NRXN3: variants seen among roughly 807,000 people sequenced by gnomAD.
NRXN3 encodes neurexin III.
NRXN3 carries 32 observed loss-of-function variants against 137.6 expected under a neutral mutation model. The ratio of observed to expected loss-of-function variants is 0.23; its 90% CI spans 0.18 to 0.31. The LOEUF (loss-of-function observed/expected upper bound fraction) is 0.31, where lower values mean the gene tolerates loss of function less well. Among genes scored for constraint, NRXN3 ranks in the 10% least tolerant of loss-of-function variants. The pLI is 1.00. For missense variants in NRXN3, 1,574 were observed against 2,062.5 expected (o/e 0.76, Z 4.59); for synonymous variants, 798 against 784.5 (o/e 1.02, Z -0.29).
chr14:78,624,357 G>GGTA (rs1396885220), intron 4 of NRXN3, among the ~76,000 whole-genome samples: 3 of 152,210 alleles, frequency 2.0e-5, no homozygotes, highest in Non-Finnish European at 2.9e-5. Context: ...CACACAGGGA[G>GGTA]GTAGCTATTA....
At chr14:79,236,768 A>G (rs561590386) in intron 15 of NRXN3, among the ~76,000 whole-genome samples, 22 of 151,976 alleles carry the variant, frequency 1.4e-4, no homozygotes, top group African/African-American at 5.3e-4. Context: ...TTTTATAATT[A>G]GCCAGGCATG....
intron 4 of NRXN3, among the ~76,000 whole-genome samples, chr14:78,553,457 T>G (rs902462540): frequency 4.6e-5 from 7 of 152,136 alleles, no homozygotes; most frequent in Non-Finnish European, 1.0e-4. Flanking sequence ...TAGGTTTGCC[T>G]CCACACCTTA....
At chr14:79,251,084 G>T (rs1193518099) in intron 15 of NRXN3, among the ~76,000 whole-genome samples, 2 of 152,190 alleles carry the variant, frequency 1.3e-5, no homozygotes, top group Non-Finnish European at 1.5e-5. Flanking sequence ...GGGCTAGTTT[G>T]TAGAGGATTT....
intron 8 of NRXN3, among the ~76,000 whole-genome samples, chr14:78,798,361 T>C (rs2098828564): frequency 6.6e-6 from 1 of 152,208 alleles, no homozygotes; most frequent in Admixed American, 6.5e-5. Context: ...AGTTCCAAAA[T>C]GATCTCCTTT....
At chr14:78,202,361 A>G (rs2061759775) in intron 1 of NRXN3, among the ~76,000 whole-genome samples, 1 of 152,246 alleles carries the variant, frequency 6.6e-6, no homozygotes, top group African/African-American at 2.4e-5. Flanking sequence ...CCTGTCGGTT[A>G]AAGATGTGGC....
At chr14:78,670,017 C>G (rs574930743) in intron 6 of NRXN3, among the ~76,000 whole-genome samples, 259 of 152,110 alleles carry the variant, frequency 1.7e-3, no homozygotes, top group African/African-American at 6.1e-3. Flanking sequence ...CCTAGCCCCC[C>G]ACCCCCTGAC....
chr14:79,528,482 T>A (rs1420503687), intron 16 of NRXN3, among the ~76,000 whole-genome samples: 2 of 152,180 alleles, frequency 1.3e-5, no homozygotes, highest in Non-Finnish European at 2.9e-5. Context: ...ACAAGATCAA[T>A]TTAGTCACAT....
chr14:79,641,510 AGG>A (rs1424387906), intron 16 of NRXN3, among the ~76,000 whole-genome samples: 1 of 135,948 alleles, frequency 7.4e-6, no homozygotes, highest in Non-Finnish European at 1.7e-5. Context: ...CCATGTTTAC[AGG>A]CCTGCAGGTT....
intron 15 of NRXN3, among the ~76,000 whole-genome samples, chr14:79,154,838 C>T (rs2060118159): frequency 1.3e-5 from 2 of 151,912 alleles, no homozygotes; most frequent in African/African-American, 2.4e-5. Flanking sequence ...AATGCAACTT[C>T]GTATATGTAA....
At chr14:79,400,318 C>A (rs1209089488) in intron 15 of NRXN3, among the ~76,000 whole-genome samples, 1 of 152,094 alleles carries the variant, frequency 6.6e-6, no homozygotes, top group East Asian at 1.9e-4. Context: ...TAGGTCCGAC[C>A]ATTGCTATAT....
intron 1 of NRXN3, among the ~76,000 whole-genome samples, chr14:78,197,890 G>T (rs1294203353): frequency 6.6e-6 from 1 of 152,122 alleles, no homozygotes; most frequent in Non-Finnish European, 1.5e-5. Context: ...CTTTTCTGTT[G>T]TCCATTCCAG....
intron 15 of NRXN3, among the ~76,000 whole-genome samples, chr14:79,194,250 T>C (rs1312879304): frequency 6.6e-6 from 1 of 152,206 alleles, no homozygotes. Flanking sequence ...TTATTTCGAA[T>C]GATGGCATAC....
intron 10 of NRXN3, among the ~76,000 whole-genome samples, chr14:78,883,979 T>C (rs528052417): frequency 2.0e-5 from 3 of 152,356 alleles, no homozygotes; most frequent in South Asian, 4.1e-4. Context: ...TCAAGTGTCA[T>C]TGAGTGATTC....
intron 4 of NRXN3, among the ~76,000 whole-genome samples, chr14:78,345,767 G>A (rs1166362855): frequency 6.6e-6 from 1 of 152,150 alleles, no homozygotes; most frequent in Non-Finnish European, 1.5e-5. Flanking sequence ...TCTTCTTCCT[G>A]GTTACATCCA....
intron 6 of NRXN3, among the ~76,000 whole-genome samples, chr14:78,705,117 G>A (rs568201839): frequency 6.6e-6 from 1 of 152,268 alleles, no homozygotes; most frequent in South Asian, 2.1e-4. Context: ...CTCCCAGTCT[G>A]TGTGACATCT....
At chr14:79,708,980 T>TGA (rs2098792373) in intron 19 of NRXN3, among the ~76,000 whole-genome samples, 2 of 151,788 alleles carry the variant, frequency 1.3e-5, no homozygotes, top group African/African-American at 2.4e-5. Flanking sequence ...TGTGTGTGTG[T>TGA]GTGAGAGAGA....
chr14:79,565,346 TGC>T (rs1491362631), intron 16 of NRXN3, among the ~76,000 whole-genome samples: 1 of 148,788 alleles, frequency 6.7e-6, no homozygotes, highest in African/African-American at 2.5e-5. Flanking sequence ...TACATATGTG[TGC>T]GTATATGTAT....
At chr14:78,856,058 A>G (rs2099056213) in intron 10 of NRXN3, among the ~76,000 whole-genome samples, 1 of 152,156 alleles carries the variant, frequency 6.6e-6, no homozygotes, top group South Asian at 2.1e-4. Flanking sequence ...GTCTCTTCTT[A>G]GTTCCACCAT....
At chr14:79,239,757 T>TTCATCAGAGGATA (rs1054545987) in intron 15 of NRXN3, among the ~76,000 whole-genome samples, 1 of 152,128 alleles carries the variant, frequency 6.6e-6, no homozygotes, top group Non-Finnish European at 1.5e-5. Flanking sequence ...AACCTAAGTG[T>TTCATCAGAGGATA]TCATCAGAGG....
Sources: gnomAD v4.1 joint callset for allele counts (sites outside exome capture counted in the v4.1 genomes callset) on GRCh38, gnomAD v4.1.1 for gene constraint, MANE v1.5 for transcripts, NCBI Gene and HGNC (gene_info 2026-07-23, HGNC 2026-07-21) for gene names.